EYA4: variants seen among roughly 807,000 people sequenced by gnomAD.
EYA4 encodes the protein protein phosphatase EYA4.
A neutral mutation model predicts 87.9 loss-of-function variants in EYA4; 31 were observed. The observed-to-expected ratio is 0.35, with a 90% CI of 0.27 to 0.48. The LOEUF (loss-of-function observed/expected upper bound fraction) is 0.48, where lower values mean the gene tolerates loss of function less well. Among genes scored for constraint, EYA4 ranks in the 20% least tolerant of loss-of-function variants. The probability of loss-of-function intolerance (pLI) is 0.99; values close to 1 mark genes in which losing one functional copy is unlikely to be tolerated. For missense variants in EYA4, 678 were observed against 761.4 expected (o/e 0.89, Z 1.29); for synonymous variants, 263 against 270.6 (o/e 0.97, Z 0.28).
intron 9 of EYA4, among the ~76,000 whole-genome samples, chr6:133,464,373 A>G (rs1794666844): frequency 6.6e-6 from 1 of 152,168 alleles, no homozygotes; most frequent in Non-Finnish European, 1.5e-5. Flanking sequence ...CACGCTAAAA[A>G]CCCTGTACAA....
At chr6:133,494,690 GT>G (rs1040390503) in intron 13 of EYA4, among the ~76,000 whole-genome samples, 17 of 129,132 alleles carry the variant, frequency 1.3e-4, no homozygotes, top group East Asian at 2.2e-4. Context: ...AAAAAAAAGT[GT>G]TTTTTTTTTA....
chr6:133,431,813 T>A (rs1481331629), intron 3 of EYA4, among the ~76,000 whole-genome samples: 1 of 152,208 alleles, frequency 6.6e-6, no homozygotes, highest in Non-Finnish European at 1.5e-5. Context: ...TTGGAACACA[T>A]CTAATTTTAT....
At chr6:133,293,522 A>G (rs1778659842) in intron 2 of EYA4, among the ~76,000 whole-genome samples, 1 of 152,148 alleles carries the variant, frequency 6.6e-6, no homozygotes, top group Non-Finnish European at 1.5e-5. Context: ...CACTCATTGA[A>G]TTACCATATA....
chr6:133,282,671 G>A (rs1424732271), intron 2 of EYA4, among the ~76,000 whole-genome samples: 1 of 152,112 alleles, frequency 6.6e-6, no homozygotes, highest in Non-Finnish European at 1.5e-5. Context: ...AAGATCTGGA[G>A]ACTAAATATT....
At chr6:133,295,510 C>T (rs570822538) in intron 2 of EYA4, among the ~76,000 whole-genome samples, 49 of 152,208 alleles carry the variant, frequency 3.2e-4, no homozygotes, top group Admixed American at 1.4e-3. Flanking sequence ...TATTGTTTAT[C>T]GAGTACCTAC....
intron 2 of EYA4, among the ~76,000 whole-genome samples, chr6:133,293,375 T>G (rs1309648041): frequency 1.3e-5 from 2 of 152,166 alleles, no homozygotes; most frequent in Non-Finnish European, 2.9e-5. Flanking sequence ...TTCCTTTTTT[T>G]ATATATATAC....
At chr6:133,437,943 T>C (rs904627872) in intron 3 of EYA4, among the ~76,000 whole-genome samples, 4 of 152,180 alleles carry the variant, frequency 2.6e-5, no homozygotes, top group African/African-American at 7.2e-5. Context: ...ACACAAAGCC[T>C]AAACCATATC....
chr6:133,258,093 A>G (rs1027198944), intron 1 of EYA4, among the ~76,000 whole-genome samples: 2 of 152,224 alleles, frequency 1.3e-5, no homozygotes, highest in Non-Finnish European at 2.9e-5. Context: ...AGTGTGGGCC[A>G]TAGCAGTGTC....
At chr6:133,257,080 C>T (rs1775398618) in intron 1 of EYA4, among the ~76,000 whole-genome samples, 1 of 152,060 alleles carries the variant, frequency 6.6e-6, no homozygotes, top group Non-Finnish European at 1.5e-5. Flanking sequence ...CTCTTGCTAA[C>T]TTAAGTACTG....
At chr6:133,460,688 T>C (rs1794303805) in intron 6 of EYA4, among the ~76,000 whole-genome samples, 1 of 152,134 alleles carries the variant, frequency 6.6e-6, no homozygotes, top group African/African-American at 2.4e-5. Context: ...TATTTTGTAT[T>C]GTATTTGAAT....
chr6:133,265,478 T>A (rs1186130563), intron 1 of EYA4, among the ~76,000 whole-genome samples: 2 of 152,188 alleles, frequency 1.3e-5, no homozygotes, highest in Non-Finnish European at 2.9e-5. Context: ...CTTACTTGAT[T>A]TGGAGAATGT....
intron 3 of EYA4, among the ~76,000 whole-genome samples, chr6:133,394,941 G>T (rs1406183793): frequency 6.6e-6 from 1 of 152,184 alleles, no homozygotes; most frequent in African/African-American, 2.4e-5. Context: ...TCTCACTAGT[G>T]TTGGTCACCC....
At chr6:133,240,855 C>G (rs994327967), upstream of EYA4, 2 of 152,562 alleles carry the variant, frequency 1.3e-5, no homozygotes, top group African/African-American at 4.8e-5. Flanking sequence ...GAAAGGAGTC[C>G]GGCAGGGGGC....
chr6:133,322,262 A>G (rs1781149898), intron 2 of EYA4, among the ~76,000 whole-genome samples: 1 of 152,228 alleles, frequency 6.6e-6, no homozygotes, highest in Non-Finnish European at 1.5e-5. Flanking sequence ...ATATAGGATT[A>G]TAAGTGTAAG....
chr6:133,346,575 A>G (rs982167518), intron 2 of EYA4, among the ~76,000 whole-genome samples: 2 of 152,142 alleles, frequency 1.3e-5, no homozygotes, highest in Non-Finnish European at 2.9e-5. Flanking sequence ...CAGTTCCTTA[A>G]TTACTACTAT....
intron 2 of EYA4, among the ~76,000 whole-genome samples, chr6:133,302,502 G>A (rs183971404): frequency 6.6e-6 from 1 of 152,244 alleles, no homozygotes; most frequent in Admixed American, 6.5e-5. Context: ...TCAGCCAGAA[G>A]CTTTGATACT....
chr6:133,457,372 G>A (rs1194577984), intron 6 of EYA4, among the ~76,000 whole-genome samples: 1 of 152,104 alleles, frequency 6.6e-6, no homozygotes, highest in Admixed American at 6.6e-5. Context: ...GAGGAGGATC[G>A]GGTACATCAG....
At chr6:133,313,046 T>TA (rs1271193533) in intron 2 of EYA4, among the ~76,000 whole-genome samples, 1 of 152,178 alleles carries the variant, frequency 6.6e-6, no homozygotes, top group Non-Finnish European at 1.5e-5. Flanking sequence ...ATTTTCTTCT[T>TA]AGTAAGCAGG....
In EYA4 at chr6:133,465,191, GTTA is replaced by G. The variant is rs147255812; in HGVS notation, c.804+338_804+340del. 5.1e-3 allele frequency among the ~76,000 whole-genome samples: 778 copies of G among 152,054 alleles called. 11 individuals are homozygous for G. The highest frequency in any genetic ancestry group is 0.018 in the African/African-American group (740 of 41,482). On this transcript the variant is annotated intron_variant, in intron 10 of 19. Transcript: ENST00000355286. The stretch of plus-strand genomic sequence containing the variant: ...CAATTTTATTTTTCTTGATAAAGCA[GTTA>G]TTATAATGAATATTAATTGGTTGAA...
Sources: gnomAD v4.1 joint callset for allele counts (sites outside exome capture counted in the v4.1 genomes callset) on GRCh38, gnomAD v4.1.1 for gene constraint, MANE v1.5 for transcripts, NCBI Gene and HGNC (gene_info 2026-07-23, HGNC 2026-07-21) for gene names.